Variants in NUP214 observed in about 807,000 individuals in gnomAD.
NUP214 encodes nuclear pore complex protein Nup214.
NUP214 carries 79 observed loss-of-function variants against 196.2 expected under a neutral mutation model. The ratio of observed to expected loss-of-function variants is 0.40; its 90% CI spans 0.34 to 0.49. The LOEUF (loss-of-function observed/expected upper bound fraction) is 0.49, where lower values mean the gene tolerates loss of function less well. Ranked by LOEUF, NUP214 falls within the 20% of genes least tolerant of loss-of-function variation. The probability of loss-of-function intolerance (pLI) is 0.58; values close to 1 mark genes in which losing one functional copy is unlikely to be tolerated. For synonymous variants in NUP214, 1,020 were observed against 990.5 expected, an observed-to-expected ratio of 1.03 and a Z score of -0.56; for missense variants, 2,468 against 2,539.0, an observed-to-expected ratio of 0.97 and a Z score of 0.60.
intron 26 of NUP214, 50 bp from the exon 27 acceptor site, chr9:131,192,158 T>C: frequency 8.5e-7 from 1 of 1,182,552 alleles, no homozygotes; most frequent in Non-Finnish European, 1.2e-6. Context: ...TTTCTGTCTT[T>C]TTGTAATATT....
At chr9:131,139,786 C>G (rs928761902) in intron 10 of NUP214, among the ~76,000 whole-genome samples, 3 of 152,186 alleles carry the variant, frequency 2.0e-5, no homozygotes, top group Non-Finnish European at 2.9e-5. Context: ...GTACTGCACA[C>G]AAGTACTTGG....
At chr9:131,168,055 A>G (rs1256845635) in intron 21 of NUP214, among the ~76,000 whole-genome samples, 1 of 152,004 alleles carries the variant, frequency 6.6e-6, no homozygotes, top group Non-Finnish European at 1.5e-5. Flanking sequence ...ATGCCCAGAT[A>G]ATTTTTTTAG....
intron 17 of NUP214, among the ~76,000 whole-genome samples, chr9:131,158,008 C>G (rs1832511279): frequency 6.6e-6 from 1 of 152,124 alleles, no homozygotes; most frequent in Admixed American, 6.5e-5. Context: ...GTCTCGAGCT[C>G]CTGACCTCGA....
intron 32 of NUP214, among the ~76,000 whole-genome samples, chr9:131,223,730 T>TATTTATTTA (rs71372705): frequency 5.2e-3 from 75 of 14,422 alleles, no homozygotes; most frequent in African/African-American, 0.011. Flanking sequence ...TTTATTTATT[T>TATTTATTTA]TTTTTTTTTT....
intron 24 of NUP214, among the ~76,000 whole-genome samples, chr9:131,179,225 T>C (rs926361964): frequency 3.9e-5 from 6 of 152,124 alleles, no homozygotes; most frequent in Admixed American, 2.6e-4. Flanking sequence ...TGGTCTCAAA[T>C]TTCTGGGCTC....
chr9:131,195,167 AAT>A, intron 27 of NUP214, 64 bp from the exon 28 acceptor site: 1 of 1,098,636 alleles, frequency 9.1e-7, no homozygotes, highest in South Asian at 1.4e-5. Context: ...GATAAAATGG[AAT>A]ATTAAGAGGG....
At chr9:131,172,847 A>G (rs1168583332) in intron 21 of NUP214, among the ~76,000 whole-genome samples, 1 of 152,210 alleles carries the variant, frequency 6.6e-6, no homozygotes, top group Non-Finnish European at 1.5e-5. Flanking sequence ...AAGTCAATAA[A>G]TATTTGCAGA....
intron 30 of NUP214, among the ~76,000 whole-genome samples, chr9:131,210,599 C>G (rs546953571): frequency 5.9e-5 from 9 of 151,902 alleles, no homozygotes; most frequent in Non-Finnish European, 1.2e-4. Context: ...TGCACTCCAG[C>G]CTGGGAAACA....
At chr9:131,154,504 G>A (rs1832374241) in intron 17 of NUP214, among the ~76,000 whole-genome samples, 1 of 152,138 alleles carries the variant, frequency 6.6e-6, no homozygotes, top group Non-Finnish European at 1.5e-5. Flanking sequence ...ACCCAGGCTG[G>A]AGTGCAGTGG....
chr9:131,218,334 G>A (rs892771175), intron 31 of NUP214, among the ~76,000 whole-genome samples: 1 of 152,228 alleles, frequency 6.6e-6, no homozygotes, highest in Non-Finnish European at 1.5e-5. Context: ...GAACAGTGGA[G>A]AAGGAAGAGC....
chr9:131,143,842 A>G (rs1288815133), intron 11 of NUP214, among the ~76,000 whole-genome samples: 1 of 151,804 alleles, frequency 6.6e-6, no homozygotes. Context: ...TAAATTTATC[A>G]AGGTGTTAGA....
intron 31 of NUP214, among the ~76,000 whole-genome samples, chr9:131,222,321 G>T (rs1255496480): frequency 1.3e-5 from 2 of 152,234 alleles, no homozygotes; most frequent in African/African-American, 4.8e-5. Flanking sequence ...GGTTGGATTT[G>T]TTCTAACTTT....
Position 131,198,076 on chromosome 9 carries a change from C to T in NUP214, c.4582C>T (p.Gln1528Ter). The change falls in exon 29 of 36, where the codon CAG (glutamine) becomes TAG (stop). Residue 1528 changes from glutamine to a stop codon, truncating the protein, a stop_gained. Transcript: ENST00000359428. LOFTEE classifies it high-confidence loss of function. ...GGAGCAACAGTCAGCCCAGCTTCCC[C>T]AGGCTCCTCCGCAAACTTCTGACTC... is the stretch of plus-strand genomic sequence containing the variant. ...LEEQQSAQLPQAPPQTSDSVK... is the reference protein window; with the variant it reads ...LEEQQSAQLP 1 of 1,614,196 alleles carries T rather than the reference C, an allele frequency of 6.2e-7. No homozygotes were observed. The highest frequency in any genetic ancestry group is 2.2e-5 in the East Asian group (1 of 44,880).
At chr9:131,132,935 G>A (rs1353024350) in intron 6 of NUP214, 171 bp from the exon 7 acceptor site, 28 of 626,654 alleles carry the variant, frequency 4.5e-5, no homozygotes, top group Non-Finnish European at 7.3e-5. Flanking sequence ...TACCATTTGG[G>A]GATGAGTTTG....
Position 131,163,953 on chromosome 9 carries a change from C to T in NUP214, c.2807C>T (p.Pro936Leu), listed in dbSNP as rs774961726. The T allele has an allele frequency of 6.2e-7, 1 of 1,613,936 alleles. No individual in the cohort carries two copies. The highest frequency in any genetic ancestry group is 8.5e-7 in the Non-Finnish European group (1 of 1,179,810). ...ESHTKSLPKVPAKLSPMKQAQ... is the reference protein window; with the variant it reads ...ESHTKSLPKVLAKLSPMKQAQ... ...CACACCAAATCCTTGCCCAAAGTAC[C>T]AGGTAATTGCATCCTTCCCAGTCTT... is the stretch of plus-strand genomic sequence containing the variant. The change falls in exon 20 of 36, where the codon CCA (proline) becomes CTA (leucine). Residue 936 changes from proline (P) to leucine (L), a missense_variant and splice_region_variant. By Grantham distance (98) the Pro-to-Leu change is moderately conservative. This residue lies in a region of NUP214 where 1,801 missense variants were observed against 1,779.4 expected (regional missense o/e 1.01). Transcript: ENST00000359428.
intron 12 of NUP214, among the ~76,000 whole-genome samples, chr9:131,145,696 A>G (rs1196693779): frequency 6.6e-6 from 1 of 152,176 alleles, no homozygotes; most frequent in Non-Finnish European, 1.5e-5. Context: ...AGTTCCCTGC[A>G]TTCCTCTTCC....
chr9:131,182,773 C>T (rs1351491967), intron 24 of NUP214, among the ~76,000 whole-genome samples: 2 of 151,990 alleles, frequency 1.3e-5, no homozygotes, highest in Admixed American at 6.6e-5. Context: ...TCTATTTATC[C>T]CATCTGTTTG....
chr9:131,169,202 T>C (rs915938498), intron 21 of NUP214, among the ~76,000 whole-genome samples: 4 of 151,868 alleles, frequency 2.6e-5, no homozygotes, highest in Non-Finnish European at 4.4e-5. Flanking sequence ...CCAGCTAATT[T>C]TTTTGTATTT....
At chr9:131,131,849 C>T (rs1831553677) in intron 5 of NUP214, among the ~76,000 whole-genome samples, 3 of 151,762 alleles carry the variant, frequency 2.0e-5, no homozygotes, top group Admixed American at 2.0e-4. Context: ...CCACCATGCA[C>T]AGCTAATTTT....
Sources: allele counts gnomAD v4.1 joint callset (sites outside exome capture counted in the v4.1 genomes callset), GRCh38; gene constraint gnomAD v4.1.1; regional missense constraint gnomAD v4.1.1; transcripts MANE v1.5; gene names NCBI Gene and HGNC (gene_info 2026-07-23, HGNC 2026-07-21).